The following UNC5D variants were observed in gnomAD, a reference collection of about 807,000 sequenced individuals.
UNC5D encodes unc-5 netrin receptor D.
In UNC5D, 39 loss-of-function variants were observed where a neutral mutation model predicts 105.4. The ratio of observed to expected loss-of-function variants is 0.37; its 90% CI spans 0.29 to 0.48. UNC5D has a LOEUF of 0.48. Ranked by LOEUF, UNC5D falls within the 20% of genes least tolerant of loss-of-function variation. The probability of loss-of-function intolerance (pLI) is 0.98; values close to 1 mark genes in which losing one functional copy is unlikely to be tolerated. For synonymous variants in UNC5D, 452 were observed against 450.4 expected (o/e 1.00, Z -0.04); for missense variants, 991 against 1,202.4 (o/e 0.82, Z 2.60).
chr8:35,549,515 G>A lies in UNC5D; in HGVS notation c.322+5G>A. ...AGACTCTGGACGAGAGCTCAGGTAGGAGCGTGCAGCAGTCAGAAGCAGCTG... is the reference window on the plus strand; with the variant it reads ...AGACTCTGGACGAGAGCTCAGGTAGAAGCGTGCAGCAGTCAGAAGCAGCTG... On this transcript the variant is annotated splice_donor_5th_base_variant and intron_variant, in intron 2 of 16. Transcript: ENST00000404895. 1 of 1,610,470 alleles carries A rather than the reference G, an allele frequency of 6.2e-7. No individual in the cohort carries two copies. The highest frequency in any genetic ancestry group is 8.5e-7 in the Non-Finnish European group (1 of 1,179,192).
intron 1 of UNC5D, among the ~76,000 whole-genome samples, chr8:35,533,299 C>A (rs1383212589): frequency 6.6e-6 from 1 of 152,018 alleles, no homozygotes; most frequent in African/African-American, 2.4e-5. Flanking sequence ...TGTTGGAATA[C>A]CCTGCCGTGT....
chr8:35,288,641 C>G (rs1806799741), intron 1 of UNC5D, among the ~76,000 whole-genome samples: 1 of 152,028 alleles, frequency 6.6e-6, no homozygotes, highest in African/African-American at 2.4e-5. Context: ...AAATTGAAAA[C>G]AACTATAGCT....
chr8:35,405,909 A>G (rs1197063679), intron 1 of UNC5D, among the ~76,000 whole-genome samples: 1 of 152,178 alleles, frequency 6.6e-6, no homozygotes, highest in African/African-American at 2.4e-5. Flanking sequence ...GAATCCTGAC[A>G]TATGTAACTC....
chr8:35,650,715 G>T (rs1356480848), intron 4 of UNC5D, among the ~76,000 whole-genome samples: 1 of 151,942 alleles, frequency 6.6e-6, no homozygotes, highest in Non-Finnish European at 1.5e-5. Context: ...CAGGTGATCC[G>T]CCCACCTCGG....
At chr8:35,611,010 C>CAAA (rs11314770) in intron 4 of UNC5D, among the ~76,000 whole-genome samples, 5,197 of 59,906 alleles carry the variant, frequency 0.087, 166 homozygotes, top group Middle Eastern at 0.13. Flanking sequence ...GACAAAGAAG[C>CAAA]AAAAAAAAAA....
chr8:35,298,671 A>G (rs954407751), intron 1 of UNC5D, among the ~76,000 whole-genome samples: 2 of 149,784 alleles, frequency 1.3e-5, no homozygotes, highest in Admixed American at 6.7e-5. Context: ...GCCCAAACAT[A>G]TGTGTTCAAT....
chr8:35,352,337 A>C (rs1397980636), intron 1 of UNC5D, among the ~76,000 whole-genome samples: 1 of 152,078 alleles, frequency 6.6e-6, no homozygotes, highest in African/African-American at 2.4e-5. Flanking sequence ...AGGAAAATCC[A>C]ATGATTTTTT....
Position 35,759,489 on chromosome 8 carries a change from C to CT in UNC5D, c.2313+21dup. On this transcript the variant is annotated intron_variant, in intron 14 of 16. Coordinates refer to ENST00000404895, the MANE Select transcript of UNC5D (RefSeq NM_080872.4). ...TGCCAGGTACTGGCCAAATGGGTTT[C>CT]TAACAGAAACGGCTTTGCTTTAACC... 1.2e-6 allele frequency: 2 copies of CT among 1,600,738 alleles called. No individual in the cohort carries two copies. The highest frequency in any genetic ancestry group is 1.7e-6 in the Non-Finnish European group (2 of 1,176,094).
chr8:35,733,916 A>C (rs1289389322), intron 11 of UNC5D, among the ~76,000 whole-genome samples: 1 of 152,114 alleles, frequency 6.6e-6, no homozygotes, highest in Non-Finnish European at 1.5e-5. Flanking sequence ...AATGATTTGC[A>C]TCCTCCACAA....
At chr8:35,463,982 C>T (rs1809109854) in intron 1 of UNC5D, among the ~76,000 whole-genome samples, 1 of 152,092 alleles carries the variant, frequency 6.6e-6, no homozygotes, top group South Asian at 2.1e-4. Flanking sequence ...TTGGTGACAA[C>T]CTGCCCATAG....
intron 1 of UNC5D, among the ~76,000 whole-genome samples, chr8:35,264,798 C>T (rs542150464): frequency 1.1e-4 from 16 of 151,740 alleles, no homozygotes; most frequent in Admixed American, 7.9e-4. Context: ...GTACAAATTG[C>T]CTCTTGTGCC....
intron 4 of UNC5D, among the ~76,000 whole-genome samples, chr8:35,631,241 G>T (rs1822019332): frequency 6.6e-6 from 1 of 151,600 alleles, no homozygotes; most frequent in Non-Finnish European, 1.5e-5. Flanking sequence ...TTCAACCCAG[G>T]AGGCGGAGGT....
At chr8:35,607,248 C>T (rs920125813) in intron 4 of UNC5D, among the ~76,000 whole-genome samples, 7 of 152,170 alleles carry the variant, frequency 4.6e-5, no homozygotes, top group Non-Finnish European at 1.0e-4. Flanking sequence ...TTTCTGGTAT[C>T]TACCTTTTCT....
intron 1 of UNC5D, among the ~76,000 whole-genome samples, chr8:35,322,537 C>T (rs760059479): frequency 1.3e-5 from 2 of 152,124 alleles, no homozygotes; most frequent in Non-Finnish European, 2.9e-5. Flanking sequence ...TCATGTAATA[C>T]ATTTTTTGCT....
At chr8:35,598,026 A>C (rs1866485) in intron 4 of UNC5D, among the ~76,000 whole-genome samples, 72,780 of 151,820 alleles carry the variant, frequency 0.48, 21,108 homozygotes, top group African/African-American at 0.83. Flanking sequence ...AGGGCCTTTG[A>C]ATGTGCTGGC....
intron 4 of UNC5D, among the ~76,000 whole-genome samples, chr8:35,652,608 GT>G (rs201297241): frequency 1.3e-3 from 190 of 145,776 alleles, no homozygotes; most frequent in East Asian, 2.6e-3. Flanking sequence ...ATTATTATGA[GT>G]TTTTTTTTTT....
intron 8 of UNC5D, among the ~76,000 whole-genome samples, chr8:35,708,555 G>T (rs1379525254): frequency 6.6e-6 from 1 of 152,136 alleles, no homozygotes; most frequent in Non-Finnish European, 1.5e-5. Context: ...TGGCAAACAC[G>T]CACCCCTAGA....
intron 1 of UNC5D, among the ~76,000 whole-genome samples, chr8:35,341,195 T>A (rs1483729913): frequency 6.6e-6 from 1 of 151,964 alleles, no homozygotes; most frequent in African/African-American, 2.4e-5. Flanking sequence ...ATTTAGAATT[T>A]TTTCCATTAT....
At chr8:35,399,776 G>T (rs1804334838) in intron 1 of UNC5D, among the ~76,000 whole-genome samples, 1 of 151,962 alleles carries the variant, frequency 6.6e-6, no homozygotes, top group Non-Finnish European at 1.5e-5. Context: ...CACCAAGAAG[G>T]TTCCTCTTTG....
Sources: gnomAD v4.1 joint callset for allele counts (sites outside exome capture counted in the v4.1 genomes callset) on GRCh38, gnomAD v4.1.1 for gene constraint, MANE v1.5 for transcripts, NCBI Gene and HGNC (gene_info 2026-07-23, HGNC 2026-07-21) for gene names.